The following ZNF317 variants were observed in gnomAD, a reference collection of about 807,000 sequenced individuals.
ZNF317 encodes KRAB-containing zinc finger protein 317.
Under a neutral mutation model 23.4 loss-of-function variants are expected in ZNF317, and 17 were observed. The ratio of observed to expected loss-of-function variants is 0.73; its 90% confidence interval spans 0.50 to 1.09. ZNF317 has a LOEUF of 1.09. Ranked by LOEUF, ZNF317 falls within the 50% of genes least tolerant of loss-of-function variation. The pLI, the probability that ZNF317 is intolerant of heterozygous loss-of-function variation, is 0.00. For missense variants in ZNF317, 679 were observed against 796.7 expected, an observed-to-expected ratio of 0.85 and a Z score of 1.78; for synonymous variants, 317 against 314.9, an observed-to-expected ratio of 1.01 and a Z score of -0.07.
intron 1 of ZNF317, among the ~76,000 whole-genome samples, chr19:9,145,582 C>G (rs1477686777): frequency 1.3e-5 from 2 of 152,204 alleles, no homozygotes; most frequent in Non-Finnish European, 2.9e-5. Context: ...TTGGTATTAT[C>G]TGGTTCATTG....
At position 9,161,641 on chromosome 19, in the gene ZNF317, G is replaced by A. The variant is rs1293207881; in HGVS notation, c.*208G>A. The A allele has an allele frequency of 1.3e-5, 8 of 639,534 alleles. 1 individual carries two copies. Among genetic ancestry groups the A allele is most frequent in the South Asian group, 2.3e-5 (1 of 43,906 alleles). The allele number at this position is 639,534 out of a possible 1,614,324, so 39.6% of individuals were successfully genotyped here. ...ACTCACGCCGGGGGTGAAAATGTAC[G>A]TCTGTAGCATGGAGAAGCCTTCAGG... On this transcript the variant is annotated 3_prime_UTR_variant, in exon 7 of 7. Coordinates refer to ENST00000247956, the MANE Select transcript of ZNF317 (RefSeq NM_020933.5). The surrounding 1 kb of genome is among the most constrained non-coding windows in gnomAD (Gnocchi z 4.0).
intron 1 of ZNF317, among the ~76,000 whole-genome samples, chr19:9,150,492 G>A (rs1231996373): frequency 6.6e-6 from 1 of 152,164 alleles, no homozygotes; most frequent in East Asian, 1.9e-4. Flanking sequence ...CTTCACAGAA[G>A]TGCAATCAGA....
At position 9,161,416 on chromosome 19, in the gene ZNF317, T is replaced by A; in HGVS notation, c.1771T>A (p.Trp591Arg). The change falls in exon 7 of 7, where the codon TGG (tryptophan) becomes AGG (arginine). Residue 591 changes from tryptophan (W) to arginine (R), a missense_variant. Transcript: ENST00000247956. The surrounding 1 kb of genome is among the most constrained non-coding windows in gnomAD (Gnocchi z 4.0). ...RGEKLFVSSV[W>R]KRLQ ...AGAGAAGCTCTTTGTGTCATCCGTG[T>A]GGAAAAGGCTCCAGTGAGCGCGCCT... The A allele has an allele frequency of 6.2e-7, 1 of 1,612,198 alleles. No individual in the cohort carries two copies. The highest frequency in any genetic ancestry group is 1.3e-5 in the African/African-American group (1 of 74,980).
In ZNF317 at chr19:9,157,515, G is replaced by A. The variant is rs991538140; in HGVS notation, c.289+121G>A. On this transcript the variant is annotated intron_variant, in intron 4 of 6. Transcript: ENST00000247956. ...ACGCAGCTGTGAACAAGCAGCCCCA[G>A]CACCCATGCTTAATGGGGCCTCTCC... 5.3e-6 allele frequency: 7 copies of A among 1,326,594 alleles called. No individual in the cohort carries two copies. In the African/African-American group the frequency reaches 7.3e-5, roughly 14 times the overall value. 82.2% of individuals were successfully genotyped at this position (1,326,594 alleles called of 1,614,324 possible).
Position 9,162,630 on chromosome 19 carries a change from A to G in ZNF317, c.*1197A>G, listed in dbSNP as rs1046497890. 3.3e-5 allele frequency: 5 copies of G among 151,628 alleles called. No individual in the cohort carries two copies. Among genetic ancestry groups the G allele is most frequent in the Admixed American group, 2.0e-4 (3 of 15,154 alleles). 9.4% of individuals were successfully genotyped at this position (151,628 alleles called of 1,614,324 possible). On this transcript the variant is annotated 3_prime_UTR_variant, in exon 7 of 7. Transcript: ENST00000247956. ...ACGGGACTGCACGTACTCTCTCATC[A>G]TGAAAACAGAGCCCCGTTCATAAAT... is the stretch of plus-strand genomic sequence containing the variant.
At chr19:9,148,554 A>G (rs1015090154) in intron 1 of ZNF317, among the ~76,000 whole-genome samples, 8 of 119,450 alleles carry the variant, frequency 6.7e-5, no homozygotes, top group Non-Finnish European at 1.2e-4. Context: ...CCCCTCCTTT[A>G]TGGTCTCCCA....
intron 1 of ZNF317, among the ~76,000 whole-genome samples, chr19:9,149,906 G>A (rs1292126197): frequency 6.6e-6 from 1 of 152,232 alleles, no homozygotes; most frequent in Admixed American, 6.5e-5. Context: ...TTATGCCAAG[G>A]CAGTAGCAGT....
At position 9,161,659 on chromosome 19, in the gene ZNF317, C is replaced by A. The variant is rs551929763; in HGVS notation, c.*226C>A. 5.4e-5 allele frequency: 30 copies of A among 554,576 alleles called. No individual in the cohort carries two copies. Among genetic ancestry groups the A allele is most frequent in the African/African-American group, 3.7e-5 (2 of 53,388 alleles). The allele number at this position is 554,576 out of a possible 1,614,324, so 34.4% of individuals were successfully genotyped here. A position where few individuals can be genotyped will look rare whatever the true frequency, so the allele number is the denominator to read the frequency against. ...AATGTACGTCTGTAGCATGGAGAAG[C>A]CTTCAGGGTACATTCAGCTCTTAAC... On this transcript the variant is annotated 3_prime_UTR_variant, in exon 7 of 7. Transcript: ENST00000247956. The surrounding 1 kb of genome is among the most constrained non-coding windows in gnomAD (Gnocchi z 4.0).
intron 1 of ZNF317, among the ~76,000 whole-genome samples, chr19:9,153,118 T>C (rs1463899867): frequency 7.2e-5 from 11 of 152,134 alleles, no homozygotes; most frequent in Non-Finnish European, 1.5e-4. Flanking sequence ...ACTTTTGCTT[T>C]CCCTAGGTTT....
chr19:9,161,120 A>G lies in ZNF317; in HGVS notation c.1475A>G (p.His492Arg). The G allele has an allele frequency of 6.2e-7, 1 of 1,614,260 alleles. No individual in the cohort carries two copies. The highest frequency in any genetic ancestry group is 8.5e-7 in the Non-Finnish European group (1 of 1,180,052). ...GGTGACTATTTATCCCGGCGGAGGC[A>G]CATGAGCGTTCACCTTGTAAAGAAA... ...VFGDYLSRRR[H>R]MSVHLVKKRV... Residue 492 changes from histidine (H) to arginine (R), a missense_variant, in exon 7 of 7, where the codon CAC becomes CGC. Physicochemically the swap from His to Arg is conservative, Grantham distance 29. Coordinates refer to ENST00000247956, the MANE Select transcript of ZNF317 (RefSeq NM_020933.5). The surrounding 1 kb of genome is among the most constrained non-coding windows in gnomAD (Gnocchi z 4.0).
intron 1 of ZNF317, among the ~76,000 whole-genome samples, chr19:9,144,632 ATTCT>A (rs1321186842): frequency 4.6e-5 from 7 of 152,050 alleles, no homozygotes; most frequent in East Asian, 1.9e-4. Flanking sequence ...ATGCATTTTC[ATTCT>A]TTCTTTATTG....
At chr19:9,150,201 G>A (rs1407483932) in intron 1 of ZNF317, among the ~76,000 whole-genome samples, 1 of 152,168 alleles carries the variant, frequency 6.6e-6, no homozygotes, top group African/African-American at 2.4e-5. Flanking sequence ...TTCTGGGTGG[G>A]GCAGGTGCCA....
chr19:9,156,708 G>T lies in ZNF317; in HGVS notation c.122G>T (p.Cys41Phe), dbSNP rs1264877061. 6.2e-7 allele frequency: 1 copy of T among 1,614,060 alleles called. No homozygotes were observed. Among genetic ancestry groups the T allele is most frequent in the African/African-American group, 1.3e-5 (1 of 74,930 alleles). The change falls in exon 3 of 7, where the codon TGC becomes TTC. Residue 41 changes from cysteine (C) to phenylalanine (F), a missense_variant. Cys to Phe is a radical substitution (Grantham distance 205, BLOSUM62 -2). Transcript: ENST00000247956. ...CCCCAGAATTTGGACCTGTTCGTGT[G>T]CAGTGGTCTGGAGCCTCACACACCC... Reference protein sequence around the residue: ...SCPQNLDLFVCSGLEPHTPSV... With the variant: ...SCPQNLDLFVFSGLEPHTPSV...
intron 1 of ZNF317, among the ~76,000 whole-genome samples, chr19:9,140,955 A>G (rs938760188): frequency 6.6e-5 from 10 of 152,158 alleles, no homozygotes; most frequent in African/African-American, 1.9e-4. Flanking sequence ...TCTGCGCTGT[A>G]GTCAATTTTA....
Position 9,157,548 on chromosome 19 carries a change from C to T in ZNF317, c.289+154C>T, listed in dbSNP as rs771623872. On this transcript the variant is annotated intron_variant, in intron 4 of 6. Coordinates refer to ENST00000247956, the MANE Select transcript of ZNF317 (RefSeq NM_020933.5). ...GCTTAATGGGGCCTCTCCTGGGTAT[C>T]GAGGCCCATCTATTGCAGGGACCAT... 33 of 935,942 alleles carry T rather than the reference C, an allele frequency of 3.5e-5. 1 individual carries two copies. The highest frequency in any genetic ancestry group is 2.3e-4 in the Middle Eastern group (1 of 4,316). The allele number at this position is 935,942 out of a possible 1,614,324, so 58.0% of individuals were successfully genotyped here.
At chr19:9,151,793 A>G (rs968516947) in intron 1 of ZNF317, among the ~76,000 whole-genome samples, 15 of 152,044 alleles carry the variant, frequency 9.9e-5, no homozygotes, top group Non-Finnish European at 2.2e-4. Context: ...TATCACATAC[A>G]TGATTTGCAA....
Position 9,148,431 on chromosome 19 carries a change from A to C in ZNF317, c.-92-7494A>C, listed in dbSNP as rs114965356. Reference sequence around the variant, plus strand: ...TGTCCTTCATGGAGGGTGGTGGTGGATGTTGGCCCCAGGGTGTTGGGCTAA... The same window carrying C: ...TGTCCTTCATGGAGGGTGGTGGTGGCTGTTGGCCCCAGGGTGTTGGGCTAA... On this transcript the variant is annotated intron_variant, in intron 1 of 6. Transcript: ENST00000247956. 2.6e-3 allele frequency among the ~76,000 whole-genome samples: 403 copies of C among 152,240 alleles called. 2 individuals carry two copies. Among genetic ancestry groups the C allele is most frequent in the African/African-American group, 8.9e-3 (369 of 41,548 alleles).
Position 9,155,929 on chromosome 19 carries a change from C to T in ZNF317, c.-88C>T. On this transcript the variant is annotated 5_prime_UTR_variant, in exon 2 of 7. An upstream open reading frame in the 5' UTR gains an earlier in-frame stop. Coordinates refer to ENST00000247956, the MANE Select transcript of ZNF317 (RefSeq NM_020933.5). Reference sequence around the variant, plus strand: ...ATGTTCTTTCATTTGCTACAGATGCCAGCTTGGAGAGTCACGTGAGAGCAA... The same window carrying T: ...ATGTTCTTTCATTTGCTACAGATGCTAGCTTGGAGAGTCACGTGAGAGCAA... The T allele has an allele frequency of 6.5e-7, 1 of 1,526,754 alleles. No individual in the cohort carries two copies. The highest frequency in any genetic ancestry group is 9.1e-7 in the Non-Finnish European group (1 of 1,100,996). The allele number at this position is 1,526,754 out of a possible 1,614,324, so 94.6% of individuals were successfully genotyped here. A position where few individuals can be genotyped will look rare whatever the true frequency, so the allele number is the denominator to read the frequency against.
chr19:9,158,596 C>T (rs1447493878), intron 5 of ZNF317, among the ~76,000 whole-genome samples: 5 of 152,040 alleles, frequency 3.3e-5, no homozygotes, highest in South Asian at 2.1e-4. Flanking sequence ...ACCTCGGCCT[C>T]CCAGAGTGCT....
Sources: allele counts gnomAD v4.1 joint callset (sites outside exome capture counted in the v4.1 genomes callset), GRCh38; gene constraint gnomAD v4.1.1; non-coding constraint Gnocchi (gnomAD v3.1); transcripts MANE v1.5; gene names NCBI Gene and HGNC (gene_info 2026-07-23, HGNC 2026-07-21).